The following RCBTB1 variants were observed in gnomAD, a reference collection of about 807,000 sequenced individuals.
The protein encoded by RCBTB1 is RCC1 and BTB domain-containing protein 1.
In RCBTB1, 46 loss-of-function variants were observed where a neutral mutation model predicts 62.4. That is an observed-to-expected ratio of 0.74 (90% confidence interval 0.58 to 0.94). RCBTB1 has a LOEUF of 0.94. Ranked by LOEUF, RCBTB1 falls within the 40% of genes least tolerant of loss-of-function variation. The pLI is 0.00. For missense variants in RCBTB1, 565 were observed against 654.9 expected (o/e 0.86, Z 1.50); for synonymous variants, 222 against 245.8 (o/e 0.90, Z 0.91).
At chr13:49,554,299 T>C (rs532539846) in intron 6 of RCBTB1, among the ~76,000 whole-genome samples, 2 of 152,334 alleles carry the variant, frequency 1.3e-5, no homozygotes, top group African/African-American at 4.8e-5. Flanking sequence ...GTTTCACTTG[T>C]CTTCCTTTAC....
At chr13:49,548,265 G>C (rs891533273) in intron 9 of RCBTB1, among the ~76,000 whole-genome samples, 3 of 151,638 alleles carry the variant, frequency 2.0e-5, no homozygotes, top group Non-Finnish European at 4.4e-5. Flanking sequence ...GGTGGCACGC[G>C]CCTGTAATCC....
At chr13:49,538,567 A>C (rs1960100232) in intron 12 of RCBTB1, among the ~76,000 whole-genome samples, 1 of 152,016 alleles carries the variant, frequency 6.6e-6, no homozygotes, top group Non-Finnish European at 1.5e-5. Context: ...AAAATAAGAA[A>C]TTAGCTGGGT....
In RCBTB1 at chr13:49,581,686, A is replaced by AGTACCC. The variant is rs1367946763; in HGVS notation, c.-121-1103_-121-1102insGGGTAC. Among the ~76,000 whole-genome samples the AGTACCC allele has an allele frequency of 2.0e-5, 3 of 152,328 alleles. No homozygotes were observed. In the South Asian group the frequency reaches 6.2e-4, roughly 32 times the overall value. ...GGACAGGGAGTACCCCCTAGAAGGG[A>AGTACCC]CTGTGAAGGAAGAGGTAGACCAGGA... is the stretch of plus-strand genomic sequence containing the variant. On this transcript the variant is annotated intron_variant, in intron 1 of 12. Transcript: ENST00000378302.
At chr13:49,537,146 C>G (rs1169118549) in intron 12 of RCBTB1, among the ~76,000 whole-genome samples, 1 of 152,170 alleles carries the variant, frequency 6.6e-6, no homozygotes, top group Non-Finnish European at 1.5e-5. Flanking sequence ...CTCGGCATCA[C>G]AGCTCCCCAC....
intron 12 of RCBTB1, chr13:49,539,296 AT>A (rs1960176653): frequency 6.6e-6 from 1 of 152,134 alleles, no homozygotes; most frequent in Non-Finnish European, 1.5e-5. Context: ...AATCACACTT[AT>A]TTGGAGTCTT....
intron 5 of RCBTB1, among the ~76,000 whole-genome samples, chr13:49,558,743 A>G (rs1030682628): frequency 6.6e-6 from 1 of 151,774 alleles, no homozygotes; most frequent in African/African-American, 2.4e-5. Flanking sequence ...ATAACCATAC[A>G]AATGCATAAC....
chr13:49,564,792 G>A (rs987440112), intron 4 of RCBTB1, among the ~76,000 whole-genome samples: 1 of 151,712 alleles, frequency 6.6e-6, no homozygotes, highest in African/African-American at 2.4e-5. Flanking sequence ...TCGGGAGGCT[G>A]AGGCAGGAGA....
chr13:49,568,436 C>G (rs1001122800), intron 2 of RCBTB1, among the ~76,000 whole-genome samples: 19 of 152,266 alleles, frequency 1.2e-4, no homozygotes, highest in African/African-American at 4.6e-4. Flanking sequence ...AGGTCAAAGT[C>G]TAATAGCTAT....
chr13:49,548,360 G>A (rs1247770131), intron 9 of RCBTB1, among the ~76,000 whole-genome samples: 1 of 148,576 alleles, frequency 6.7e-6, no homozygotes, highest in Non-Finnish European at 1.5e-5. Flanking sequence ...TTGCACCCCA[G>A]CCTGGGTAAC....
intron 4 of RCBTB1, among the ~76,000 whole-genome samples, chr13:49,561,281 G>A (rs771068627): frequency 7.9e-5 from 12 of 152,120 alleles, no homozygotes; most frequent in Non-Finnish European, 1.6e-4. Context: ...GGCAACCAGG[G>A]GAAACAGACT....
intron 12 of RCBTB1, among the ~76,000 whole-genome samples, chr13:49,537,248 G>A (rs1196449605): frequency 6.6e-6 from 1 of 152,142 alleles, no homozygotes; most frequent in Non-Finnish European, 1.5e-5. Flanking sequence ...CCCCAAAACT[G>A]TCAGTCTATA....
rs746753718 is a variant in RCBTB1 at position 49,563,638 on chromosome 13, G to A, written c.277+2980C>T. On this transcript the variant is annotated intron_variant, in intron 4 of 12. Coordinates refer to ENST00000378302, the MANE Select transcript of RCBTB1 (RefSeq NM_018191.4). ...CGTGCCACTGCACTCCAGCCTAGGC[G>A]ATAGAGCGAGACTGTCTCAAAAGAA... 4.4e-4 allele frequency among the ~76,000 whole-genome samples: 67 copies of A among 150,632 alleles called. 1 individual carries two copies. Among genetic ancestry groups the A allele is most frequent in the African/African-American group, 1.2e-4 (5 of 40,336 alleles).
At position 49,551,307 on chromosome 13, in the gene RCBTB1, C is replaced by T. The variant is rs372696013; in HGVS notation, c.854+19G>A. ...CCACATCGCACACACAGTCCCAAGA[C>T]GTGGCACAGCCAAGTTACCTTTCTT... On this transcript the variant is annotated intron_variant, in intron 8 of 12. Coordinates refer to ENST00000378302, the MANE Select transcript of RCBTB1 (RefSeq NM_018191.4). The T allele has an allele frequency of 2.6e-5, 42 of 1,612,416 alleles. No homozygotes were observed. The highest frequency in any genetic ancestry group is 2.9e-5 in the Non-Finnish European group (34 of 1,179,276).
intron 6 of RCBTB1, among the ~76,000 whole-genome samples, chr13:49,552,979 C>T (rs1285924091): frequency 6.6e-6 from 1 of 152,034 alleles, no homozygotes; most frequent in Non-Finnish European, 1.5e-5. Flanking sequence ...GTCAGGAGAT[C>T]GAGACCATCC....
At chr13:49,561,808 A>T (rs1178328144) in intron 4 of RCBTB1, among the ~76,000 whole-genome samples, 1 of 152,040 alleles carries the variant, frequency 6.6e-6, no homozygotes, top group Non-Finnish European at 1.5e-5. Context: ...AACCTATAAC[A>T]AGTTTCTATG....
intron 2 of RCBTB1, among the ~76,000 whole-genome samples, chr13:49,574,803 C>T (rs1326153298): frequency 6.6e-6 from 1 of 152,038 alleles, no homozygotes; most frequent in African/African-American, 2.4e-5. Context: ...GTCAAAGCAG[C>T]ATTATTCACA....
chr13:49,565,547 C>T (rs1323180981), intron 4 of RCBTB1, among the ~76,000 whole-genome samples: 2 of 144,312 alleles, frequency 1.4e-5, no homozygotes, highest in Non-Finnish European at 1.5e-5. Context: ...TCTTCCCGGC[C>T]GCCACCCCAT....
chr13:49,564,048 G>A (rs983590152), intron 4 of RCBTB1, among the ~76,000 whole-genome samples: 3 of 152,200 alleles, frequency 2.0e-5, no homozygotes, highest in Non-Finnish European at 4.4e-5. Context: ...CATTTAAATA[G>A]ATAATGAATT....
chr13:49,577,851 G>A (rs1963874642), intron 2 of RCBTB1, among the ~76,000 whole-genome samples: 1 of 152,126 alleles, frequency 6.6e-6, no homozygotes, highest in African/African-American at 2.4e-5. Context: ...CTTCTAATAT[G>A]CAAAATGATA....
Sources: gnomAD v4.1 joint callset for allele counts (sites outside exome capture counted in the v4.1 genomes callset) on GRCh38, gnomAD v4.1.1 for gene constraint, MANE v1.5 for transcripts, NCBI Gene and HGNC (gene_info 2026-07-23, HGNC 2026-07-21) for gene names.